The following DIDO1 variants were observed in gnomAD, a reference collection of about 807,000 sequenced individuals.
The protein encoded by DIDO1 is death-inducer obliterator 1.
DIDO1 carries 16 observed loss-of-function variants against 99.4 expected under a neutral mutation model. The ratio of observed to expected loss-of-function variants is 0.16; its 90% CI spans 0.11 to 0.24. DIDO1 has a LOEUF of 0.24. Ranked by LOEUF, DIDO1 falls within the 10% of genes least tolerant of loss-of-function variation. DIDO1 has a pLI of 1.00. For synonymous variants in DIDO1, 1,366 were observed against 1,239.1 expected (o/e 1.10, Z -2.15); for missense variants, 2,996 against 3,014.0 (o/e 0.99, Z 0.14).
At chr20:62,899,999 C>T (rs6090159) in intron 6 of DIDO1, among the ~76,000 whole-genome samples, 11 of 152,112 alleles carry the variant, frequency 7.2e-5, no homozygotes, top group Non-Finnish European at 1.5e-5. Flanking sequence ...TGAACTATTA[C>T]GTTGTGTATA....
At chr20:62,882,685 C>T (rs2064232396) in intron 15 of DIDO1, among the ~76,000 whole-genome samples, 1 of 152,144 alleles carries the variant, frequency 6.6e-6, no homozygotes, top group African/African-American at 2.4e-5. Context: ...GCGACTAACC[C>T]CTCGTCACCA....
Position 62,911,568 on chromosome 20 carries a change from G to A in DIDO1, c.45C>T (p.Ala15=), listed in dbSNP as rs1181344567. ...TGAACTCTTTGCTGGTGGGTTTGAT[G>A]GCCTTAGGTGCCTCCTCATTGCTCG... The part of the protein sequence containing the change: ...GDPSNEEAPK[A]IKPTSKEFRK... Residue 15 remains alanine, a synonymous_variant, in exon 3 of 16, where the codon GCC becomes GCT. Coordinates refer to ENST00000395343, the MANE Select transcript of DIDO1 (RefSeq NM_001193369.2). The surrounding 1 kb of genome is among the most constrained non-coding windows in gnomAD (Gnocchi z 7.0). 1 of 1,606,306 alleles carries A rather than the reference G, an allele frequency of 6.2e-7. No individual in the cohort carries two copies. Among genetic ancestry groups the A allele is most frequent in the Non-Finnish European group, 8.5e-7 (1 of 1,175,992 alleles).
intron 15 of DIDO1, among the ~76,000 whole-genome samples, chr20:62,885,643 G>A (rs1339983282): frequency 6.6e-6 from 1 of 152,124 alleles, no homozygotes; most frequent in Admixed American, 6.5e-5. Context: ...GAGTCAGATG[G>A]GTGCTCGTTC....
At position 62,882,395 on chromosome 20, in the gene DIDO1, C is replaced by T. The variant is rs760224789; in HGVS notation, c.3561G>A (p.Pro1187=). Residue 1187 remains proline (P), a synonymous_variant, in exon 16 of 16, where the codon CCG becomes CCA. Coordinates refer to ENST00000395343, the MANE Select transcript of DIDO1 (RefSeq NM_001193369.2). ...AGATTACTAACCCAAGAATTATATT[C>T]GGACGTGGTGACTCAAGACCTGAAA... ...FEGPGLESPR[P]NIILGLVICQ... 1.2e-6 allele frequency: 2 copies of T among 1,611,376 alleles called. No homozygotes were observed. The highest frequency in any genetic ancestry group is 1.7e-6 in the Non-Finnish European group (2 of 1,178,538).
At chr20:62,937,780 G>T (rs971071388) in intron 1 of DIDO1, 1 of 397,834 alleles carries the variant, frequency 2.5e-6, no homozygotes, top group African/African-American at 2.1e-5. Flanking sequence ...GCAAACGACA[G>T]GAAAAAAGCT....
At chr20:62,897,529 C>T (rs2064563931) in intron 6 of DIDO1, among the ~76,000 whole-genome samples, 1 of 152,348 alleles carries the variant, frequency 6.6e-6, no homozygotes, top group Non-Finnish European at 1.5e-5. Flanking sequence ...ATATGGAAAG[C>T]TGGCATACAC....
At chr20:62,920,376 A>G (rs957824530) in intron 1 of DIDO1, among the ~76,000 whole-genome samples, 7 of 152,028 alleles carry the variant, frequency 4.6e-5, no homozygotes, top group African/African-American at 1.4e-4. Context: ...GCCTCCCCCC[A>G]ACCCCCGATT....
At position 62,894,871 on chromosome 20, in the gene DIDO1, G is replaced by A. The variant is rs139525718; in HGVS notation, c.2375C>T (p.Thr792Met). Residue 792 changes from threonine (T) to methionine (M), a missense_variant, in exon 10 of 16, where the codon ACG becomes ATG. Thr to Met is a moderately conservative substitution (Grantham distance 81). Coordinates refer to ENST00000395343, the MANE Select transcript of DIDO1 (RefSeq NM_001193369.2). The surrounding 1 kb of genome is among the most constrained non-coding windows in gnomAD (Gnocchi z 4.4). ...GGGGATGGCCTCCTGCCTGGGGGCC[G>A]TCTTCTTGCTTTCATTGTGCAGTTT... The part of the protein sequence containing the change: ...RTKLHNESKK[T>M]APRQEAIPDL... 573 of 1,614,134 alleles carry A rather than the reference G, an allele frequency of 3.5e-4. No individual in the cohort carries two copies. Among genetic ancestry groups the A allele is most frequent in the Non-Finnish European group, 4.1e-4 (487 of 1,180,018 alleles).
Position 62,906,017 on chromosome 20 carries a change from A to G in DIDO1, c.1458T>C (p.Pro486=). ...CCTTCCCGAGTGCTTCACTCCGCGC[A>G]GGGACCACCACTGCCTTCTTCACTG... ...ETTVKKAVVV[P]ARSEALGKEA... The change falls in exon 6 of 16, where the codon CCT becomes CCC. Residue 486 remains proline, a synonymous_variant. Coordinates refer to ENST00000395343, the MANE Select transcript of DIDO1 (RefSeq NM_001193369.2). The G allele has an allele frequency of 1.9e-6, 3 of 1,613,990 alleles. No individual in the cohort carries two copies. Among genetic ancestry groups the G allele is most frequent in the South Asian group, 1.1e-5 (1 of 91,078 alleles).
chr20:62,932,876 G>C (rs1004063996), intron 1 of DIDO1, among the ~76,000 whole-genome samples: 11 of 152,226 alleles, frequency 7.2e-5, no homozygotes, highest in Admixed American at 6.5e-4. Context: ...CACCAGTGAA[G>C]ATTCTTTACA....
Position 62,891,917 on chromosome 20 carries a change from G to C in DIDO1, c.3345+70C>G, listed in dbSNP as rs1163756319. On this transcript the variant is annotated intron_variant, in intron 14 of 15. Coordinates refer to ENST00000395343, the MANE Select transcript of DIDO1 (RefSeq NM_001193369.2). ...TAAGTGTTAACCCATCCAAACGAGA[G>C]GTTAAAAAAAGATGTGTTTAAATCA... The C allele has an allele frequency of 2.3e-6, 3 of 1,300,096 alleles. No homozygotes were observed. In the African/African-American group the frequency reaches 4.4e-5, roughly 19 times the overall value. 80.5% of individuals were successfully genotyped at this position (1,300,096 alleles called of 1,614,324 possible).
chr20:62,888,584 A>G, intron 15 of DIDO1: 1 of 985,562 alleles, frequency 1.0e-6, no homozygotes, highest in Non-Finnish European at 1.2e-6. Flanking sequence ...GTGCTGTCCA[A>G]GGGCTTCTGG....
intron 15 of DIDO1, chr20:62,887,221 G>C: frequency 1.0e-6 from 1 of 985,484 alleles, no homozygotes; most frequent in Non-Finnish European, 1.2e-6. Context: ...CAGTTTCCAT[G>C]AAAGATGTTT....
chr20:62,897,055 A>G, intron 6 of DIDO1, 59 bp from the exon 7 acceptor site: 1 of 1,494,092 alleles, frequency 6.7e-7, no homozygotes, highest in African/African-American at 1.4e-5. Context: ...CTGTCACCTG[A>G]CTCTAAAAAG....
chr20:62,888,442 G>A (rs2064333646), intron 15 of DIDO1: 2 of 985,430 alleles, frequency 2.0e-6, no homozygotes, highest in African/African-American at 3.5e-5. Flanking sequence ...AACTGAGGCT[G>A]TGGAATGGAG....
At position 62,907,110 on chromosome 20, in the gene DIDO1, C is replaced by T. The variant is rs779339404; in HGVS notation, c.1374+37G>A. 9 of 1,604,328 alleles carry T rather than the reference C, an allele frequency of 5.6e-6. No individual in the cohort carries two copies. The African/African-American group carries it at 6.7e-5, about 12-fold the overall frequency. ...TGCGACAAACGCTCTCACGCCTGTG[C>T]GTCCACTGCCTGGGCGGCTGGTCCT... On this transcript the variant is annotated intron_variant, in intron 5 of 15. Coordinates refer to ENST00000395343, the MANE Select transcript of DIDO1 (RefSeq NM_001193369.2).
Position 62,892,913 on chromosome 20 carries a change from A to G in DIDO1, c.3151T>C (p.Ser1051Pro). The change falls in exon 13 of 16, where the codon TCT becomes CCT. Residue 1051 changes from serine (S) to proline (P), a missense_variant. Ser to Pro is a moderately conservative substitution (Grantham distance 74). Around this residue, in one of 5 missense-constraint regions of DIDO1, gnomAD observed 898 missense variants for 972.7 expected, o/e 0.92. Transcript: ENST00000395343. Reference protein sequence around the residue: ...PPEGDTTLFLSRLSTIWKGFI... With the variant: ...PPEGDTTLFLPRLSTIWKGFI... ...CCTTTCCAAATGGTGCTGAGTCGAG[A>G]CAAAAAGAGGGTCGTGTCTCCCTCT... 1 of 1,614,114 alleles carries G rather than the reference A, an allele frequency of 6.2e-7. No individual in the cohort carries two copies. The highest frequency in any genetic ancestry group is 1.1e-5 in the South Asian group (1 of 91,084).
Position 62,880,602 on chromosome 20 carries a change from T to G in DIDO1, c.5354A>C (p.Asn1785Thr), listed in dbSNP as rs776809335. Residue 1785 changes from asparagine (N) to threonine (T), a missense_variant, in exon 16 of 16, where the codon AAT (asparagine) becomes ACT (threonine). Physicochemically the swap from Asn to Thr is moderately conservative, Grantham distance 65. Transcript: ENST00000395343. ...RGPAPPFPEE[N>T]IASNDGPRGP... ...TCGTGGCCCATCGTTAGAAGCGATA[T>G]TCTCTTCTGGAAACGGAGGGGCTGG... 9 of 1,612,774 alleles carry G rather than the reference T, an allele frequency of 5.6e-6. No individual in the cohort carries two copies. The South Asian group carries it at 9.9e-5, about 18-fold the overall frequency.
intron 15 of DIDO1, chr20:62,887,328 A>G: frequency 2.0e-6 from 2 of 985,484 alleles, no homozygotes; most frequent in Non-Finnish European, 1.2e-6. Context: ...ACACACATGA[A>G]AACTGAAGAA....
Sources: gnomAD v4.1 joint callset for allele counts (sites outside exome capture counted in the v4.1 genomes callset) on GRCh38, gnomAD v4.1.1 for gene constraint, gnomAD v4.1.1 regional missense constraint, Gnocchi (gnomAD v3.1) non-coding constraint, MANE v1.5 for transcripts, NCBI Gene and HGNC (gene_info 2026-07-23, HGNC 2026-07-21) for gene names.